CCDC172: variants seen among roughly 807,000 people sequenced by gnomAD.
CCDC172 encodes the protein coiled-coil domain-containing protein 172.
CCDC172 carries 30 observed loss-of-function variants against 38.0 expected under a neutral mutation model. The observed-to-expected ratio is 0.79, with a 90% CI of 0.59 to 1.07. The LOEUF (loss-of-function observed/expected upper bound fraction) is 1.07, where lower values mean the gene tolerates loss of function less well. CCDC172 is among the 50% of genes least tolerant of loss of function. CCDC172 has a pLI of 0.00. For missense variants in CCDC172, 297 were observed against 290.1 expected (o/e 1.02, Z -0.17); for synonymous variants, 78 against 88.3 (o/e 0.88, Z 0.66).
chr10:116,357,626 C>G, intron 6 of CCDC172, 145 bp downstream of exon 6: 1 of 830,198 alleles, frequency 1.2e-6, no homozygotes. Flanking sequence ...AAACACTAAT[C>G]AACGTGAGAT....
At chr10:116,355,342 C>T (rs1844982808) in intron 5 of CCDC172, among the ~76,000 whole-genome samples, 1 of 152,178 alleles carries the variant, frequency 6.6e-6, no homozygotes, top group Admixed American at 6.5e-5. Context: ...CAGTAACATG[C>T]TGTATAGGTT....
intron 5 of CCDC172, among the ~76,000 whole-genome samples, chr10:116,346,223 C>T (rs1018980190): frequency 7.3e-6 from 1 of 137,710 alleles, no homozygotes; most frequent in African/African-American, 2.7e-5. Context: ...ACCCAGGAGG[C>T]GGAGGTTGCA....
intron 3 of CCDC172, among the ~76,000 whole-genome samples, chr10:116,331,151 G>A (rs1175103146): frequency 6.6e-6 from 1 of 151,966 alleles, no homozygotes; most frequent in Non-Finnish European, 1.5e-5. Context: ...TACAAATGTG[G>A]TATTTAAAAT....
intron 2 of CCDC172, 74 bp downstream of exon 2, chr10:116,325,164 C>T: frequency 1.3e-6 from 2 of 1,542,492 alleles, no homozygotes; most frequent in African/African-American, 1.4e-5. Context: ...AAGGAAATCC[C>T]GAAGGCAGTG....
chr10:116,325,423 A>C, intron 3 of CCDC172, 35 bp downstream of exon 3: 1 of 1,542,260 alleles, frequency 6.5e-7, no homozygotes, highest in Non-Finnish European at 8.9e-7. Context: ...TTATCACTTG[A>C]AAAAGCCTGC....
chr10:116,337,621 A>G (rs1474600494), intron 3 of CCDC172, among the ~76,000 whole-genome samples: 1 of 152,170 alleles, frequency 6.6e-6, no homozygotes. Flanking sequence ...GAAGCAATGG[A>G]TTTTTAAGTT....
intron 5 of CCDC172, among the ~76,000 whole-genome samples, chr10:116,355,468 A>T (rs1374370285): frequency 6.6e-6 from 1 of 152,148 alleles, no homozygotes; most frequent in Non-Finnish European, 1.5e-5. Context: ...TCACATAAGG[A>T]CTTTTTTCTC....
At chr10:116,361,967 T>C (rs1157722957) in intron 7 of CCDC172, among the ~76,000 whole-genome samples, 1 of 152,104 alleles carries the variant, frequency 6.6e-6, no homozygotes, top group East Asian at 1.9e-4. Flanking sequence ...CGGGGGCAGA[T>C]CACGAGGTCA....
chr10:116,344,527 GGAGCTTGTA>G (rs1413604244), intron 5 of CCDC172, among the ~76,000 whole-genome samples: 1 of 152,252 alleles, frequency 6.6e-6, no homozygotes, highest in African/African-American at 2.4e-5. Context: ...TACCATGAAT[GGAGCTTGTA>G]GAGCTGGAAG....
intron 7 of CCDC172, among the ~76,000 whole-genome samples, chr10:116,371,179 C>T (rs919479293): frequency 6.6e-6 from 1 of 151,634 alleles, no homozygotes; most frequent in African/African-American, 2.4e-5. Flanking sequence ...TTGGGATTGA[C>T]ATATGTATTT....
chr10:116,373,241 C>T (rs1845207137), intron 7 of CCDC172, among the ~76,000 whole-genome samples: 1 of 150,946 alleles, frequency 6.6e-6, no homozygotes, highest in Non-Finnish European at 1.5e-5. Flanking sequence ...GACCCCATCT[C>T]TAATTAAAAA....
chr10:116,357,962 G>T, intron 7 of CCDC172, 24 bp downstream of exon 7: 1 of 1,364,126 alleles, frequency 7.3e-7, no homozygotes, highest in South Asian at 1.2e-5. Flanking sequence ...GTTATATTTT[G>T]GCCTAAATCA....
chr10:116,378,260 A>G (rs747624948), intron 7 of CCDC172, among the ~76,000 whole-genome samples, 163 bp from the exon 8 acceptor site: 6 of 152,148 alleles, frequency 3.9e-5, no homozygotes, highest in Non-Finnish European at 5.9e-5. Flanking sequence ...TTACCGCAAA[A>G]TTTTATATAG....
chr10:116,359,295 G>A (rs957399216), intron 7 of CCDC172, among the ~76,000 whole-genome samples: 1 of 152,122 alleles, frequency 6.6e-6, no homozygotes, highest in East Asian at 1.9e-4. Flanking sequence ...TCATCATGAA[G>A]GCCAAAATTA....
At chr10:116,333,360 G>A (rs1844689444) in intron 3 of CCDC172, among the ~76,000 whole-genome samples, 1 of 152,104 alleles carries the variant, frequency 6.6e-6, no homozygotes, top group Non-Finnish European at 1.5e-5. Flanking sequence ...AGTACCCCCA[G>A]CCCAATTTCT....
At chr10:116,327,708 A>T (rs12416239) in intron 3 of CCDC172, among the ~76,000 whole-genome samples, 16,935 of 152,096 alleles carry the variant, frequency 0.11, 1,112 homozygotes, top group East Asian at 0.21. Flanking sequence ...AAATTAACAT[A>T]TGAGGGTCAC....
chr10:116,343,061 C>A (rs1320789320), intron 5 of CCDC172, among the ~76,000 whole-genome samples: 1 of 152,062 alleles, frequency 6.6e-6, no homozygotes, highest in Non-Finnish European at 1.5e-5. Context: ...TTATTGCAAT[C>A]TTTGATAAGA....
chr10:116,353,876 C>G (rs1023159744), intron 5 of CCDC172, among the ~76,000 whole-genome samples: 1 of 152,076 alleles, frequency 6.6e-6, no homozygotes, highest in South Asian at 2.1e-4. Flanking sequence ...ATAGTGTTGG[C>G]AAGAATATGG....
At chr10:116,346,726 A>G (rs1844872646) in intron 5 of CCDC172, among the ~76,000 whole-genome samples, 1 of 151,820 alleles carries the variant, frequency 6.6e-6, no homozygotes, top group African/African-American at 2.4e-5. Context: ...TTCTAGAAAT[A>G]TGGATTTATT....
Sources: allele counts gnomAD v4.1 joint callset (sites outside exome capture counted in the v4.1 genomes callset), GRCh38; gene constraint gnomAD v4.1.1; transcripts MANE v1.5; gene names NCBI Gene and HGNC (gene_info 2026-07-23, HGNC 2026-07-21).